LVRN: variants seen among roughly 807,000 people sequenced by gnomAD.
LVRN encodes the protein laeverin.
Under a neutral mutation model 111.4 loss-of-function variants are expected in LVRN, and 99 were observed. The observed-to-expected ratio is 0.89, with a 90% CI of 0.76 to 1.05. The LOEUF (loss-of-function observed/expected upper bound fraction) is 1.05, where lower values mean the gene tolerates loss of function less well. LVRN is among the 50% of genes least tolerant of loss of function. The probability of loss-of-function intolerance (pLI) is 0.00; values close to 1 mark genes in which losing one functional copy is unlikely to be tolerated. For missense variants in LVRN, 1,414 were observed against 1,206.8 expected, an observed-to-expected ratio of 1.17 and a Z score of -2.54; for synonymous variants, 488 against 449.5, an observed-to-expected ratio of 1.09 and a Z score of -1.08.
At chr5:115,985,639 C>T (rs1747841516) in intron 3 of LVRN, among the ~76,000 whole-genome samples, 2 of 152,306 alleles carry the variant, frequency 1.3e-5, no homozygotes, top group Non-Finnish European at 2.9e-5. Context: ...GTCCCCATAC[C>T]TATCCAGAAG....
intron 4 of LVRN, 143 bp downstream of exon 4, chr5:115,988,082 CT>C: frequency 9.0e-7 from 1 of 1,114,864 alleles, no homozygotes. Flanking sequence ...TGACCTATGC[CT>C]TATACCTTCT....
At chr5:115,998,143 T>G (rs1029710895) in intron 6 of LVRN, among the ~76,000 whole-genome samples, 1 of 152,210 alleles carries the variant, frequency 6.6e-6, no homozygotes, top group African/African-American at 2.4e-5. Context: ...ATTAAATCAA[T>G]TATGGGCCAT....
At chr5:115,996,867 C>T (rs1748124248) in intron 6 of LVRN, among the ~76,000 whole-genome samples, 1 of 152,166 alleles carries the variant, frequency 6.6e-6, no homozygotes, top group Admixed American at 6.5e-5. Context: ...GGCAGATGAA[C>T]ACCTCTGAGC....
Position 116,015,438 on chromosome 5 carries a change from C to T in LVRN, c.2618+19C>T, listed in dbSNP as rs1382932393. 4.0e-6 allele frequency: 6 copies of T among 1,518,362 alleles called. No homozygotes were observed. The African/African-American group carries it at 8.8e-5, about 22-fold the overall frequency. 94.1% of individuals were successfully genotyped at this position (1,518,362 alleles called of 1,614,324 possible). On this transcript the variant is annotated intron_variant, in intron 17 of 19. Coordinates refer to ENST00000357872, the MANE Select transcript of LVRN (RefSeq NM_173800.5). ...TTAACAGGTGATTATGGTCAACTTACCTTGAAAGTTTCTGTTATAGGAATT... is the reference window on the plus strand; with the variant it reads ...TTAACAGGTGATTATGGTCAACTTATCTTGAAAGTTTCTGTTATAGGAATT...
chr5:116,015,495 C>G, intron 17 of LVRN, 76 bp downstream of exon 17: 1 of 1,472,984 alleles, frequency 6.8e-7, no homozygotes, highest in Non-Finnish European at 9.0e-7. Flanking sequence ...TAGAAATGTG[C>G]TAATGTAAGT....
intron 9 of LVRN, 152 bp from the exon 10 acceptor site, chr5:116,000,915 C>T (rs1748223784): frequency 1.2e-6 from 1 of 821,068 alleles, no homozygotes; most frequent in East Asian, 2.7e-5. Context: ...CATATATAAA[C>T]AGAGTTCTAA....
chr5:115,994,825 T>C (rs1292242437), intron 6 of LVRN, among the ~76,000 whole-genome samples: 1 of 152,242 alleles, frequency 6.6e-6, no homozygotes, highest in Non-Finnish European at 1.5e-5. Context: ...TGATTTGATT[T>C]AGATATCTAA....
rs1359126961 is a variant in LVRN, at chr5:115,983,309, G to C, written c.718G>C (p.Glu240Gln). The C allele has an allele frequency of 1.2e-6, 2 of 1,603,852 alleles. No individual in the cohort carries two copies. The highest frequency in any genetic ancestry group is 1.7e-6 in the Non-Finnish European group (2 of 1,176,968). ...CAGGGCCCTGTTAGCGTCCCAGCTG[G>C]AACCAACATTTGCCAGGTATGTTTT... The part of the protein sequence containing the change: ...ERRALLASQL[E>Q]PTFARYVFPC... The change falls in exon 2 of 20, where the codon GAA becomes CAA. Residue 240 changes from glutamate (E) to glutamine (Q), a missense_variant. Glu to Gln is a conservative substitution (Grantham distance 29). Coordinates refer to ENST00000357872, the MANE Select transcript of LVRN (RefSeq NM_173800.5).
At chr5:115,988,269 G>T (rs1313303029) in intron 4 of LVRN, among the ~76,000 whole-genome samples, 1 of 151,892 alleles carries the variant, frequency 6.6e-6, no homozygotes, top group African/African-American at 2.4e-5. Flanking sequence ...CAAGTCTGCA[G>T]TGCTGAGTCT....
chr5:115,990,119 A>T (rs535005046), intron 4 of LVRN, among the ~76,000 whole-genome samples: 2 of 152,196 alleles, frequency 1.3e-5, no homozygotes, highest in African/African-American at 4.8e-5. Flanking sequence ...TGTACCCCTT[A>T]TATAGAACAG....
At chr5:115,978,886 A>G (rs1338977229) in intron 1 of LVRN, among the ~76,000 whole-genome samples, 1 of 152,160 alleles carries the variant, frequency 6.6e-6, no homozygotes. Flanking sequence ...ATTTGGTCTC[A>G]TTCTGGTCTT....
At chr5:115,989,957 T>C (rs1327270731) in intron 4 of LVRN, among the ~76,000 whole-genome samples, 3 of 152,166 alleles carry the variant, frequency 2.0e-5, no homozygotes, top group African/African-American at 7.2e-5. Flanking sequence ...ATTTCCCACA[T>C]ATGCCATACT....
At chr5:116,001,668 G>A (rs1409341464) in intron 10 of LVRN, among the ~76,000 whole-genome samples, 1 of 152,178 alleles carries the variant, frequency 6.6e-6, no homozygotes. Flanking sequence ...TTGAGGAATA[G>A]TTCTGTGCAG....
rs775716633 is a variant in LVRN, at chr5:116,000,646, G to A, written c.1635G>A (p.Arg545=). ...YSNAEQDDLW[R]HFQMAIDDQS... is the part of the protein sequence containing the mutation. The stretch of plus-strand genomic sequence containing the variant: ...ACGCTGAGCAAGATGATCTATGGAG[G>A]CATTTTCAAATGGTAATTGTCCTAC... Residue 545 remains arginine (R), a synonymous_variant, in exon 9 of 20, where the codon AGG becomes AGA. Coordinates refer to ENST00000357872, the MANE Select transcript of LVRN (RefSeq NM_173800.5). 1 of 1,613,628 alleles carries A rather than the reference G, an allele frequency of 6.2e-7. No individual in the cohort carries two copies. Among genetic ancestry groups the A allele is most frequent in the African/African-American group, 1.3e-5 (1 of 74,882 alleles).
At chr5:116,003,735 C>T (rs1262652005) in intron 12 of LVRN, among the ~76,000 whole-genome samples, 1 of 152,016 alleles carries the variant, frequency 6.6e-6, no homozygotes, top group African/African-American at 2.4e-5. Flanking sequence ...GCGCCTGCCA[C>T]CACGCCCGGC....
At chr5:116,019,661 C>G (rs564658176) in intron 18 of LVRN, among the ~76,000 whole-genome samples, 223 of 152,186 alleles carry the variant, frequency 1.5e-3, no homozygotes, top group African/African-American at 4.1e-3. Flanking sequence ...TTTTTGGTTG[C>G]TAGTTTGGTC....
At chr5:115,981,159 C>G (rs1753552010) in intron 1 of LVRN, among the ~76,000 whole-genome samples, 1 of 152,128 alleles carries the variant, frequency 6.6e-6, no homozygotes, top group Non-Finnish European at 1.5e-5. Context: ...AAGACAGTAA[C>G]CAAAACCATA....
chr5:115,969,585 CAGG>C (rs1460475787), intron 1 of LVRN, among the ~76,000 whole-genome samples: 1 of 151,942 alleles, frequency 6.6e-6, no homozygotes, highest in Non-Finnish European at 1.5e-5. Flanking sequence ...ATCACGAGGT[CAGG>C]AGATCAAGAC....
rs369971176 is a variant in LVRN, at chr5:116,014,462, C to T, written c.2385C>T (p.Gly795=). ...EKLFVTACWL[G]LEDCLQLSKE... is the part of the protein sequence containing the mutation. ...TTTTTGTAACTGCGTGTTGGTTGGG[C>T]CTTGAAGACTGCCTTCAGCTGTCAA... The change falls in exon 16 of 20, where the codon GGC becomes GGT. Residue 795 remains glycine (G), a synonymous_variant. Coordinates refer to ENST00000357872, the MANE Select transcript of LVRN (RefSeq NM_173800.5). The T allele has an allele frequency of 6.2e-7, 1 of 1,613,424 alleles. No individual in the cohort carries two copies. Among genetic ancestry groups the T allele is most frequent in the Non-Finnish European group, 8.5e-7 (1 of 1,179,604 alleles).
Sources: allele counts gnomAD v4.1 joint callset (sites outside exome capture counted in the v4.1 genomes callset), GRCh38; gene constraint gnomAD v4.1.1; transcripts MANE v1.5; gene names NCBI Gene and HGNC (gene_info 2026-07-23, HGNC 2026-07-21).